Variants in FGF13 observed in about 807,000 individuals in gnomAD.
FGF13 encodes the protein fibroblast growth factor homologous factor 2.
Under a neutral mutation model 19.5 loss-of-function variants are expected in FGF13, and 2 were observed. That is an observed-to-expected ratio of 0.10 (90% CI 0.04 to 0.32). The LOEUF (loss-of-function observed/expected upper bound fraction) is 0.32. Ranked by LOEUF, FGF13 falls within the 10% of genes least tolerant of loss-of-function variation. FGF13 has a pLI of 1.00. For missense variants in FGF13, 113 were observed against 192.7 expected, an observed-to-expected ratio of 0.59 and a Z score of 2.45; for synonymous variants, 72 against 76.9, an observed-to-expected ratio of 0.94 and a Z score of 0.33.
chrX:139,020,497 G>A (rs1258894016), intron 1 of FGF13, among the ~76,000 whole-genome samples: 1 of 110,704 alleles, frequency 9.0e-6, no homozygotes, highest in African/African-American at 3.3e-5. Flanking sequence ...CTACATTACT[G>A]CTGTCTAATC....
chrX:138,619,405 T>C lies in FGF13; in HGVS notation c.*13445A>G, dbSNP rs182954586. ...ACACTTAATATAGATGACGGGTTGA[T>C]GGGTGCAGCAAACCACCATGGCACG... is the stretch of plus-strand genomic sequence containing the variant. On this transcript the variant is annotated 3_prime_UTR_variant, in exon 5 of 5. Transcript: ENST00000315930. 4 of 111,795 alleles carry C rather than the reference T, an allele frequency of 3.6e-5. No individual in the cohort carries two copies. Among genetic ancestry groups the C allele is most frequent in the African/African-American group, 6.5e-5 (2 of 30,771 alleles). 9.2% of individuals were successfully genotyped at this position (111,795 alleles called of 1,213,427 possible). A position where few individuals can be genotyped will look rare whatever the true frequency, so the allele number is the denominator to read the frequency against.
chrX:138,934,969 T>G (rs2091724185), intron 1 of FGF13, among the ~76,000 whole-genome samples: 1 of 110,809 alleles, frequency 9.0e-6, no homozygotes, highest in African/African-American at 3.3e-5. Context: ...ATAGAATTTG[T>G]GATAAAATTT....
At chrX:138,983,414 T>TATATATATATATATATATATATATA (rs2091972165) in intron 1 of FGF13, among the ~76,000 whole-genome samples, 2 of 81,195 alleles carry the variant, frequency 2.5e-5, no homozygotes, top group East Asian at 4.3e-4. Context: ...TAAGTTGATC[T>TATATATATATATATATATATATATA]TATATATATA....
chrX:138,697,074 A>C (rs1250849216), intron 3 of FGF13, among the ~76,000 whole-genome samples: 2 of 112,332 alleles, frequency 1.8e-5, no homozygotes, highest in African/African-American at 6.5e-5. Context: ...AACCAAGCTA[A>C]ATGCATTAAA....
rs1056178773 is a variant in FGF13 at position 138,627,585 on chromosome X, GTGTGTGTGTGCC to G, written c.*5253_*5264del. On this transcript the variant is annotated 3_prime_UTR_variant, in exon 5 of 5. Coordinates refer to ENST00000315930, the MANE Select transcript of FGF13 (RefSeq NM_004114.5). ...CTGAGTTCTTTTGGAGGCCCATCTA[GTGTGTGTGTGCC>G]TGTGTGTGTGTGTGTGTGTGTGTGT... is the stretch of plus-strand genomic sequence containing the variant. 1 of 86,887 alleles carries G rather than the reference GTGTGTGTGTGCC, an allele frequency of 1.2e-5. No individual in the cohort carries two copies. The highest frequency in any genetic ancestry group is 4.4e-5 in the African/African-American group (1 of 22,801). The allele number at this position is 86,887 out of a possible 1,213,427, so 7.2% of individuals were successfully genotyped here. A position where few individuals can be genotyped will look rare whatever the true frequency, so the allele number is the denominator to read the frequency against.
intron 3 of FGF13, among the ~76,000 whole-genome samples, chrX:138,796,624 C>T (rs1448390537): frequency 1.8e-5 from 2 of 111,882 alleles, no homozygotes; most frequent in South Asian, 3.8e-4. Flanking sequence ...ATTTCTGGTT[C>T]TAGATCCTTG....
chrX:138,669,209 T>C (rs1248438745), intron 3 of FGF13, among the ~76,000 whole-genome samples: 1 of 110,458 alleles, frequency 9.1e-6, no homozygotes, highest in Non-Finnish European at 1.9e-5. Context: ...TTGATGTATC[T>C]AGGTCCCCAT....
chrX:138,795,563 C>T (rs1181913445), intron 3 of FGF13, among the ~76,000 whole-genome samples: 1 of 111,768 alleles, frequency 8.9e-6, no homozygotes, highest in East Asian at 2.8e-4. Context: ...TTTTCATAGA[C>T]CACATGGCCA....
chrX:138,657,015 T>A (rs1191203194), intron 3 of FGF13, among the ~76,000 whole-genome samples: 2 of 112,101 alleles, frequency 1.8e-5, no homozygotes, highest in East Asian at 5.6e-4. Context: ...TAATAACCCT[T>A]GCTAAAGCTT....
chrX:138,697,646 A>AT (rs1171541954), intron 3 of FGF13, among the ~76,000 whole-genome samples: 1 of 111,067 alleles, frequency 9.0e-6, no homozygotes, highest in African/African-American at 3.3e-5. Flanking sequence ...GAAAACTAGA[A>AT]TTTTTTGAAA....
chrX:138,633,388 G>C (rs1446743858), intron 4 of FGF13, among the ~76,000 whole-genome samples: 1 of 111,210 alleles, frequency 9.0e-6, no homozygotes, highest in African/African-American at 3.3e-5. Flanking sequence ...ATCTAGCCTT[G>C]GTGTAGTAGT....
intron 3 of FGF13, among the ~76,000 whole-genome samples, chrX:138,849,803 G>A (rs1177720274): frequency 8.9e-6 from 1 of 111,823 alleles, no homozygotes; most frequent in Non-Finnish European, 1.9e-5. Flanking sequence ...GCACCCATAT[G>A]GATGTATAAC....
upstream of FGF13, chrX:138,715,902 G>C (rs1238834661): frequency 3.6e-5 from 4 of 112,165 alleles, no homozygotes; most frequent in Non-Finnish European, 7.5e-5. Flanking sequence ...CCTCAGAGGA[G>C]CTGTAAGGAA....
intron 3 of FGF13, among the ~76,000 whole-genome samples, chrX:138,689,828 A>G (rs1257495702): frequency 8.9e-6 from 1 of 112,234 alleles, no homozygotes; most frequent in Non-Finnish European, 1.9e-5. Context: ...GAACAGTTTC[A>G]TGCCTTGATC....
At chrX:138,740,154 G>A (rs2090309281), upstream of FGF13, among the ~76,000 whole-genome samples, 1 of 111,858 alleles carries the variant, frequency 8.9e-6, no homozygotes, top group Admixed American at 9.5e-5. Flanking sequence ...AAATGGAAAT[G>A]TAAGTTATTC....
chrX:138,714,873 T>C (rs1168893930), upstream of FGF13: 1 of 111,896 alleles, frequency 8.9e-6, no homozygotes, highest in African/African-American at 3.3e-5. Context: ...GCTGTCCCAC[T>C]GCCATCCTGG....
chrX:138,806,725 A>G (rs1176940631), intron 3 of FGF13: 1 of 111,407 alleles, frequency 9.0e-6, no homozygotes, highest in Non-Finnish European at 1.9e-5. Flanking sequence ...CTCAGTAGGT[A>G]GCCAATGAGA....
intron 1 of FGF13, among the ~76,000 whole-genome samples, chrX:139,154,313 C>G (rs1174912444): frequency 9.0e-6 from 1 of 111,153 alleles, no homozygotes; most frequent in Non-Finnish European, 1.9e-5. Flanking sequence ...TTTTTCCACT[C>G]AGAACATTAT....
At chrX:138,748,436 G>A (rs984785386) in intron 3 of FGF13, among the ~76,000 whole-genome samples, 2 of 111,240 alleles carry the variant, frequency 1.8e-5, no homozygotes, top group African/African-American at 6.5e-5. Flanking sequence ...CTATATATGA[G>A]TATAGCAAGA....
Sources: allele counts gnomAD v4.1 joint callset (sites outside exome capture counted in the v4.1 genomes callset), GRCh38; gene constraint gnomAD v4.1.1; transcripts MANE v1.5; gene names NCBI Gene and HGNC (gene_info 2026-07-23, HGNC 2026-07-21).